Variants in ZNF440 observed in about 807,000 individuals in gnomAD.
ZNF440 encodes the protein zinc finger protein 440.
ZNF440 carries 47 observed loss-of-function variants against 49.7 expected under a neutral mutation model. The ratio of observed to expected loss-of-function variants is 0.95; its 90% confidence interval spans 0.75 to 1.21. The LOEUF (loss-of-function observed/expected upper bound fraction) is 1.21, where lower values mean the gene tolerates loss of function less well. Among genes scored for constraint, ZNF440 ranks in the 50% most tolerant of loss-of-function variants. The pLI is 0.00. For missense variants in ZNF440, 703 were observed against 715.0 expected (o/e 0.98, Z 0.19); for synonymous variants, 255 against 237.7 (o/e 1.07, Z -0.67).
chr19:11,819,864 C>T (rs1975777518), intron 1 of ZNF440, among the ~76,000 whole-genome samples: 1 of 152,130 alleles, frequency 6.6e-6, no homozygotes, highest in Non-Finnish European at 1.5e-5. Context: ...TAGGTAGGAC[C>T]TTAGAATACT....
chr19:11,834,221 G>A lies in ZNF440; in HGVS notation c.*1257G>A. On this transcript the variant is annotated 3_prime_UTR_variant, in exon 4 of 4. Coordinates refer to ENST00000304060, the MANE Select transcript of ZNF440 (RefSeq NM_152357.3). ...AGGTCACTGCAACCTCTGCCTCCAG[G>A]GTTCAAGCAATTCTCCTGCCTCAGT... 1 of 221,230 alleles carries A rather than the reference G, an allele frequency of 4.5e-6. No homozygotes were observed. The highest frequency in any genetic ancestry group is 9.1e-6 in the Non-Finnish European group (1 of 109,464). The allele number at this position is 221,230 out of a possible 1,614,324, so 13.7% of individuals were successfully genotyped here.
rs371346286 is a variant in ZNF440 at position 11,814,397 on chromosome 19, C to G, written c.-51C>G. On this transcript the variant is annotated 5_prime_UTR_variant, in exon 1 of 4. Coordinates refer to ENST00000304060, the MANE Select transcript of ZNF440 (RefSeq NM_152357.3). ...TCTGTAACCTGCACTGTGACCTACA[C>G]TAGTCGCGGGAGCCACGCAGAGGAC... 2 of 1,555,498 alleles carry G rather than the reference C, an allele frequency of 1.3e-6. No homozygotes were observed. Among genetic ancestry groups the G allele is most frequent in the Non-Finnish European group, 1.7e-6 (2 of 1,152,496 alleles).
rs374811730 is a variant in ZNF440 at position 11,831,459 on chromosome 19, C to T, written c.283C>T (p.Gln95Ter). 5 of 1,613,868 alleles carry T rather than the reference C, an allele frequency of 3.1e-6. No homozygotes were observed. In the African/African-American group the frequency reaches 6.7e-5, roughly 22 times the overall value. ...TPVPDDRLNFQEKKASPEVKS... is the reference protein window; with the variant it reads ...TPVPDDRLNF ...AGTTCCAGATGACAGACTGAACTTC[C>T]AGGAGAAGAAAGCTTCTCCTGAAGT... The change falls in exon 4 of 4, where the codon CAG (glutamine) becomes TAG (stop). Residue 95 changes from glutamine to a stop codon, truncating the protein, a stop_gained. Transcript: ENST00000304060. LOFTEE classifies it high-confidence loss of function.
intron 1 of ZNF440, among the ~76,000 whole-genome samples, chr19:11,818,825 C>T (rs1481530148): frequency 1.3e-5 from 2 of 152,208 alleles, no homozygotes; most frequent in Admixed American, 1.3e-4. Context: ...CAGGCGTGAG[C>T]CACTGCACCT....
In ZNF440 at chr19:11,832,254, A is replaced by G. The variant is rs757928628; in HGVS notation, c.1078A>G (p.Lys360Glu). 5.6e-6 allele frequency: 9 copies of G among 1,613,978 alleles called. No homozygotes were observed. The highest frequency in any genetic ancestry group is 1.3e-5 in the African/African-American group (1 of 74,890). ...CSVNSFQRHE[K>E]IHSGEKPYKC... ...TGTGAATTCATTTCAAAGACATGAA[A>G]AAATTCACAGTGGAGAGAAACCCTA... The change falls in exon 4 of 4, where the codon AAA becomes GAA. Residue 360 changes from lysine to glutamate, a missense_variant. Coordinates refer to ENST00000304060, the MANE Select transcript of ZNF440 (RefSeq NM_152357.3).
At chr19:11,829,074 G>A (rs1461279722) in intron 1 of ZNF440, among the ~76,000 whole-genome samples, 10 of 152,022 alleles carry the variant, frequency 6.6e-5, no homozygotes, top group Admixed American at 6.6e-4. Flanking sequence ...ATGGATATGT[G>A]GGTGGCTGCA....
At chr19:11,830,573 T>C in intron 2 of ZNF440, 44 bp from the exon 3 acceptor site, 1 of 1,606,026 alleles carries the variant, frequency 6.2e-7, no homozygotes, top group Non-Finnish European at 8.5e-7. Flanking sequence ...TTTTTCACAA[T>C]TTTATACTGC....
chr19:11,830,127 A>G, intron 1 of ZNF440, 156 bp from the exon 2 acceptor site: 1 of 1,438,238 alleles, frequency 7.0e-7, no homozygotes, highest in Non-Finnish European at 9.3e-7. Context: ...TTTGTGGAAG[A>G]AAGTAAGTAT....
Position 11,829,748 on chromosome 19 carries a change from G to C in ZNF440, c.4-535G>C, listed in dbSNP as rs1049751942. Among the ~76,000 whole-genome samples, 18 of 152,220 alleles carry C rather than the reference G, an allele frequency of 1.2e-4. 1 individual carries two copies. Among genetic ancestry groups the C allele is most frequent in the African/African-American group, 4.1e-4 (17 of 41,532 alleles). The stretch of plus-strand genomic sequence containing the variant: ...CTCAGGAGGCTGAGGCATGAGAATT[G>C]CATGAACCCAGGAGTAAGAGGTTGT... On this transcript the variant is annotated intron_variant, in intron 1 of 3. Coordinates refer to ENST00000304060, the MANE Select transcript of ZNF440 (RefSeq NM_152357.3).
At position 11,831,663 on chromosome 19, in the gene ZNF440, G is replaced by A; in HGVS notation, c.487G>A (p.Glu163Lys). The change falls in exon 4 of 4, where the codon GAA (glutamate) becomes AAA (lysine). Residue 163 changes from glutamate to lysine, a missense_variant. Coordinates refer to ENST00000304060, the MANE Select transcript of ZNF440 (RefSeq NM_152357.3). Reference protein sequence around the residue: ...FRYRPSFRTQERDHTGEKPNA... With the variant: ...FRYRPSFRTQKRDHTGEKPNA... ...ATACCGCCCCTCCTTTAGAACACAAGAAAGGGATCACACTGGAGAGAAACC... is the reference window on the plus strand; with the variant it reads ...ATACCGCCCCTCCTTTAGAACACAAAAAAGGGATCACACTGGAGAGAAACC... The A allele has an allele frequency of 6.2e-7, 1 of 1,614,158 alleles. No homozygotes were observed. Among genetic ancestry groups the A allele is most frequent in the Non-Finnish European group, 8.5e-7 (1 of 1,180,014 alleles).
chr19:11,832,180 C>G lies in ZNF440; in HGVS notation c.1004C>G (p.Ser335Cys). 1 of 1,614,190 alleles carries G rather than the reference C, an allele frequency of 6.2e-7. No homozygotes were observed. Among genetic ancestry groups the G allele is most frequent in the Non-Finnish European group, 8.5e-7 (1 of 1,180,028 alleles). Residue 335 changes from serine (S) to cysteine (C), a missense_variant, in exon 4 of 4, where the codon TCT (serine) becomes TGT (cysteine). By Grantham distance (112) the Ser-to-Cys change is moderately radical (BLOSUM62 -1). Coordinates refer to ENST00000304060, the MANE Select transcript of ZNF440 (RefSeq NM_152357.3). ...TTTCAAACACACGTAAGATTGCACT[C>G]TGGAGAAAGACCTTATGAATGTAAG... ...TSFQTHVRLH[S>C]GERPYECKIC... is the part of the protein sequence containing the mutation.
chr19:11,815,284 T>A (rs1321028535), intron 1 of ZNF440, among the ~76,000 whole-genome samples: 2 of 121,062 alleles, frequency 1.7e-5, no homozygotes, highest in Non-Finnish European at 3.4e-5. Context: ...GGCAACTCCG[T>A]CACACACACA....
intron 1 of ZNF440, among the ~76,000 whole-genome samples, chr19:11,814,685 C>A (rs932671730): frequency 1.3e-5 from 2 of 152,212 alleles, no homozygotes; most frequent in African/African-American, 4.8e-5. Context: ...CGCGTCTCCC[C>A]ACATTATGCG....
rs1975951305 is a variant in ZNF440 at position 11,832,091 on chromosome 19, C to A, written c.915C>A (p.Thr305=). 2 of 1,613,900 alleles carry A rather than the reference C, an allele frequency of 1.2e-6. No homozygotes were observed. Among genetic ancestry groups the A allele is most frequent in the East Asian group, 4.5e-5 (2 of 44,860 alleles). The change falls in exon 4 of 4, where the codon ACC becomes ACA. Residue 305 remains threonine (T), a synonymous_variant. Coordinates refer to ENST00000304060, the MANE Select transcript of ZNF440 (RefSeq NM_152357.3). ...GTTATGTTCGTATACATGAAAGGAC[C>A]CACTCTAGGAAAAATCTCTATGAAT... ...CPRYVRIHER[T]HSRKNLYECK...
rs776865856 is a variant in ZNF440, at chr19:11,831,458, C to T, written c.282C>T (p.Phe94=). 21 of 1,613,914 alleles carry T rather than the reference C, an allele frequency of 1.3e-5. No individual in the cohort carries two copies. Among genetic ancestry groups the T allele is most frequent in the East Asian group, 2.2e-5 (1 of 44,866 alleles). ...FTPVPDDRLN[F]QEKKASPEVK... is the part of the protein sequence containing the mutation. Reference sequence around the variant, plus strand: ...CAGTTCCAGATGACAGACTGAACTTCCAGGAGAAGAAAGCTTCTCCTGAAG... The same window carrying T: ...CAGTTCCAGATGACAGACTGAACTTTCAGGAGAAGAAAGCTTCTCCTGAAG... The change falls in exon 4 of 4, where the codon TTC becomes TTT. Residue 94 remains phenylalanine (F), a synonymous_variant. Transcript: ENST00000304060.
chr19:11,824,182 CAAAAAAAAAAAA>C (rs200865473), intron 1 of ZNF440, among the ~76,000 whole-genome samples: 1 of 60,020 alleles, frequency 1.7e-5, no homozygotes, highest in Non-Finnish European at 3.4e-5. Flanking sequence ...TACCCTGTTT[CAAAAAAAAAAAA>C]AAAAAAAGAA....
chr19:11,815,016 C>T (rs1262585102), intron 1 of ZNF440, among the ~76,000 whole-genome samples: 1 of 152,056 alleles, frequency 6.6e-6, no homozygotes, highest in Non-Finnish European at 1.5e-5. Context: ...TGGGTCACGC[C>T]TGTAACCCCA....
At chr19:11,820,618 G>C (rs1975788060) in intron 1 of ZNF440, among the ~76,000 whole-genome samples, 1 of 152,072 alleles carries the variant, frequency 6.6e-6, no homozygotes, top group African/African-American at 2.4e-5. Context: ...GGGTCTAGTG[G>C]CTATCAGTGC....
chr19:11,832,471 C>G lies in ZNF440; in HGVS notation c.1295C>G (p.Ala432Gly), dbSNP rs200064854. The stretch of plus-strand genomic sequence containing the variant: ...TATGAATGTAAGGAATGTGGGAAAG[C>G]CTTCAGATATGTGAATAACCTTCAA... ...KPYECKECGKAFRYVNNLQSH... is the reference protein window; with the variant it reads ...KPYECKECGKGFRYVNNLQSH... The change falls in exon 4 of 4, where the codon GCC becomes GGC. Residue 432 changes from alanine (A) to glycine (G), a missense_variant. Coordinates refer to ENST00000304060, the MANE Select transcript of ZNF440 (RefSeq NM_152357.3). 1.5e-4 allele frequency: 243 copies of G among 1,613,446 alleles called. 1 individual carries two copies. The highest frequency in any genetic ancestry group is 1.9e-4 in the Non-Finnish European group (228 of 1,179,978).
Sources: allele counts gnomAD v4.1 joint callset (sites outside exome capture counted in the v4.1 genomes callset), GRCh38; gene constraint gnomAD v4.1.1; transcripts MANE v1.5; gene names NCBI Gene and HGNC (gene_info 2026-07-23, HGNC 2026-07-21).